MED1: variants seen among roughly 807,000 people sequenced by gnomAD.
MED1 encodes the protein mediator complex subunit 1.
Under a neutral mutation model 121.3 loss-of-function variants are expected in MED1, and 17 were observed. The ratio of observed to expected loss-of-function variants is 0.14; its 90% CI spans 0.10 to 0.21. The LOEUF (loss-of-function observed/expected upper bound fraction) is 0.21, where lower values mean the gene tolerates loss of function less well. MED1 is among the 10% of genes least tolerant of loss of function. The pLI is 1.00. For missense variants in MED1, 1,558 were observed against 1,919.4 expected (o/e 0.81, Z 3.52); for synonymous variants, 661 against 694.4 (o/e 0.95, Z 0.76).
At position 39,405,576 on chromosome 17, in the gene MED1, G is replaced by A; in HGVS notation, c.*1899C>T. The A allele has an allele frequency of 1.6e-6, 2 of 1,277,840 alleles. No homozygotes were observed. The highest frequency in any genetic ancestry group is 2.0e-6 in the Non-Finnish European group (2 of 1,008,048). The allele number at this position is 1,277,840 out of a possible 1,614,324, so 79.2% of individuals were successfully genotyped here. A position where few individuals can be genotyped will look rare whatever the true frequency, so the allele number is the denominator to read the frequency against. ...GGCTGCTACTGTATCAACATCACAA[G>A]ATAAAGCACTCTGGTATCACCTGCC... On this transcript the variant is annotated 3_prime_UTR_variant, in exon 17 of 17. Coordinates refer to ENST00000300651, the MANE Select transcript of MED1 (RefSeq NM_004774.4).
Position 39,409,060 on chromosome 17 carries a change from C to A in MED1, c.3161G>T (p.Gly1054Val). ...TTTGGGAATGGGTGGTGTGGCAACA[C>A]CTGGGGGAGTCTGAGATCTTCCTGC... The part of the protein sequence containing the change: ...GSAGRSQTPP[G>V]VATPPIPKIT... The change falls in exon 17 of 17, where the codon GGT becomes GTT. Residue 1054 changes from glycine to valine, a missense_variant. Physicochemically the swap from Gly to Val is moderately radical, Grantham distance 109. This residue lies in a region of MED1 where 793 missense variants were observed against 898.2 expected (regional missense o/e 0.88). Transcript: ENST00000300651. The A allele has an allele frequency of 6.2e-7, 1 of 1,614,104 alleles. No homozygotes were observed. The highest frequency in any genetic ancestry group is 8.5e-7 in the Non-Finnish European group (1 of 1,180,020).
chr17:39,448,190 G>A (rs191260388), intron 1 of MED1, among the ~76,000 whole-genome samples: 124 of 147,732 alleles, frequency 8.4e-4, no homozygotes, highest in African/African-American at 2.9e-3. Flanking sequence ...AGGCTGGAGT[G>A]TCAAACCCTG....
In MED1 at chr17:39,406,617, G is replaced by A. The variant is rs1256015780; in HGVS notation, c.*858C>T. Reference sequence around the variant, plus strand: ...TACAAGTCAATACCTCCACAGAGAGGTAACTCCTAATATTCCTATGATCTC... The same window carrying A: ...TACAAGTCAATACCTCCACAGAGAGATAACTCCTAATATTCCTATGATCTC... On this transcript the variant is annotated 3_prime_UTR_variant, in exon 17 of 17. Coordinates refer to ENST00000300651, the MANE Select transcript of MED1 (RefSeq NM_004774.4). The A allele has an allele frequency of 6.3e-5, 62 of 983,946 alleles. 2 individuals are homozygous for A. In the Admixed American group the frequency reaches 3.8e-3, roughly 60 times the overall value. The allele number at this position is 983,946 out of a possible 1,614,324, so 61.0% of individuals were successfully genotyped here.
chr17:39,419,917 G>A lies in MED1; in HGVS notation c.1097C>T (p.Ala366Val). The change falls in exon 14 of 17, where the codon GCT (alanine) becomes GTT (valine). Residue 366 changes from alanine to valine, a missense_variant and splice_region_variant. Coordinates refer to ENST00000300651, the MANE Select transcript of MED1 (RefSeq NM_004774.4). ...ATAGCAGTGCTGCTGACCAGGAAGA[G>A]CCTGGGCAAAAAGAACAGTTAACGA... ...PLNHNMRFYA[A>V]LPGQQHCYFL... The A allele has an allele frequency of 1.2e-6, 2 of 1,613,570 alleles. No homozygotes were observed. The highest frequency in any genetic ancestry group is 1.7e-6 in the Non-Finnish European group (2 of 1,179,616).
chr17:39,419,465 T>A (rs1000434360), intron 14 of MED1, among the ~76,000 whole-genome samples: 1 of 151,346 alleles, frequency 6.6e-6, no homozygotes, highest in Non-Finnish European at 1.5e-5. Context: ...TGGAGTGCAA[T>A]GGCATGATCT....
intron 3 of MED1, among the ~76,000 whole-genome samples, chr17:39,442,905 CAA>C (rs751236293): frequency 6.3e-4 from 11 of 17,350 alleles, no homozygotes; most frequent in African/African-American, 1.6e-3. Flanking sequence ...AACTCCATCT[CAA>C]AAAAAAAAAA....
intron 2 of MED1, among the ~76,000 whole-genome samples, chr17:39,445,130 T>C (rs1040198757): frequency 1.2e-4 from 18 of 152,124 alleles, no homozygotes; most frequent in African/African-American, 4.3e-4. Context: ...CTCTGGTCAA[T>C]GAATACCAGT....
In MED1 at chr17:39,406,283, G is replaced by A. The variant is rs1307787807; in HGVS notation, c.*1192C>T. ...ATTGTTTTAAGTGAACTATGGCTGC[G>A]GATTTTTTACTGTTTTATCTCAGGG... On this transcript the variant is annotated 3_prime_UTR_variant, in exon 17 of 17. Coordinates refer to ENST00000300651, the MANE Select transcript of MED1 (RefSeq NM_004774.4). 2.5e-5 allele frequency: 25 copies of A among 985,314 alleles called. No individual in the cohort carries two copies. The highest frequency in any genetic ancestry group is 1.4e-4 in the South Asian group (3 of 21,286). 61.0% of individuals were successfully genotyped at this position (985,314 alleles called of 1,614,324 possible). A position where few individuals can be genotyped will look rare whatever the true frequency, so the allele number is the denominator to read the frequency against.
intron 7 of MED1, among the ~76,000 whole-genome samples, chr17:39,433,627 C>T (rs2048590712): frequency 6.6e-6 from 1 of 151,726 alleles, no homozygotes; most frequent in Non-Finnish European, 1.5e-5. Flanking sequence ...AATCACTGCT[C>T]ACTGCACCCT....
chr17:39,408,859 CCTT>C lies in MED1; in HGVS notation c.3359_3361del (p.Glu1120del). The C allele has an allele frequency of 6.2e-7, 1 of 1,614,062 alleles. No homozygotes were observed. Among genetic ancestry groups the C allele is most frequent in the Non-Finnish European group, 8.5e-7 (1 of 1,180,022 alleles). On this transcript the variant is annotated inframe_deletion, in exon 17 of 17. Transcript: ENST00000300651. The surrounding 1 kb of genome is among the most constrained non-coding windows in gnomAD (Gnocchi z 4.7). Reference sequence around the variant, plus strand: ...GCTACTTAACTTGGAACTTGATGAACCTTCTGATTTACTGCTTTTCATCTTCCC... The same window carrying C: ...GCTACTTAACTTGGAACTTGATGAACCTGATTTACTGCTTTTCATCTTCCC...
rs754338233 is a variant in MED1 at position 39,447,903 on chromosome 17, C to T, written c.27G>A (p.Glu9=). 1.9e-6 allele frequency: 3 copies of T among 1,604,406 alleles called. No individual in the cohort carries two copies. In the South Asian group the frequency reaches 3.3e-5, roughly 18 times the overall value. The change falls in exon 2 of 17, where the codon GAG becomes GAA. Residue 9 remains glutamate, a splice_region_variant and synonymous_variant. Transcript: ENST00000300651. MKAQGETE[E]SEKLSKMSSL... is the part of the protein sequence containing the mutation. ...AACTCATCTTACTCAGCTTTTCTGA[C>T]TCTATGATTTAAATCAGAAAACGTT... is the stretch of plus-strand genomic sequence containing the variant.
In MED1 at chr17:39,407,357, C is replaced by G; in HGVS notation, c.*118G>C. 2 of 1,432,718 alleles carry G rather than the reference C, an allele frequency of 1.4e-6. No homozygotes were observed. The highest frequency in any genetic ancestry group is 1.8e-6 in the Non-Finnish European group (2 of 1,096,250). 88.8% of individuals were successfully genotyped at this position (1,432,718 alleles called of 1,614,324 possible). A position where few individuals can be genotyped will look rare whatever the true frequency, so the allele number is the denominator to read the frequency against. The stretch of plus-strand genomic sequence containing the variant: ...CACCCAGCTTGATGTCAAAGCCATG[C>G]CATTTAGGATTCTTAACCAAATCAG... On this transcript the variant is annotated 3_prime_UTR_variant, in exon 17 of 17. Transcript: ENST00000300651.
In MED1 at chr17:39,437,152, G is replaced by A. The variant is rs150946059; in HGVS notation, c.428+2013C>T. Among the ~76,000 whole-genome samples the A allele has an allele frequency of 6.8e-4, 103 of 152,172 alleles. 3 individuals carry two copies. In the East Asian group the frequency reaches 0.012, roughly 18 times the overall value. On this transcript the variant is annotated intron_variant, in intron 6 of 16. Coordinates refer to ENST00000300651, the MANE Select transcript of MED1 (RefSeq NM_004774.4). The stretch of plus-strand genomic sequence containing the variant: ...TCTCCGTGTTGGTCAGGCTGGTCTC[G>A]AACTCCTGACTTCAGGTGATCCGCC...
intron 14 of MED1, among the ~76,000 whole-genome samples, chr17:39,417,068 C>T (rs1474748321): frequency 2.6e-5 from 4 of 151,872 alleles, no homozygotes; most frequent in Admixed American, 1.3e-4. Flanking sequence ...TGGTGGCTCA[C>T]GCATGTAATC....
chr17:39,405,472 T>C lies in MED1; in HGVS notation c.*2003A>G, dbSNP rs1045793361. Reference sequence around the variant, plus strand: ...AAAACCACATAAATTTTTTTTTTTTTCCTGCAGAAACCAACGGGATAGGAT... The same window carrying C: ...AAAACCACATAAATTTTTTTTTTTTCCCTGCAGAAACCAACGGGATAGGAT... On this transcript the variant is annotated 3_prime_UTR_variant, in exon 17 of 17. Transcript: ENST00000300651. The C allele has an allele frequency of 8.6e-6, 12 of 1,399,894 alleles. No homozygotes were observed. Among genetic ancestry groups the C allele is most frequent in the East Asian group, 2.6e-5 (1 of 38,644 alleles). The allele number at this position is 1,399,894 out of a possible 1,614,324, so 86.7% of individuals were successfully genotyped here. A position where few individuals can be genotyped will look rare whatever the true frequency, so the allele number is the denominator to read the frequency against.
chr17:39,418,248 T>G (rs896466557), intron 14 of MED1, among the ~76,000 whole-genome samples: 4 of 151,484 alleles, frequency 2.6e-5, no homozygotes, highest in African/African-American at 9.7e-5. Context: ...AACCTAAAAT[T>G]TAACCTAAAA....
intron 16 of MED1, among the ~76,000 whole-genome samples, chr17:39,413,219 C>G (rs2048373307): frequency 6.6e-6 from 1 of 152,198 alleles, no homozygotes; most frequent in South Asian, 2.1e-4. Flanking sequence ...GGATTATAGG[C>G]ACCTGCCACC....
intron 6 of MED1, 85 bp downstream of exon 6, chr17:39,439,080 A>T: frequency 8.2e-7 from 1 of 1,219,182 alleles, no homozygotes; most frequent in Non-Finnish European, 1.2e-6. Context: ...TCCTGAGGAG[A>T]ATAACTTCTG....
chr17:39,419,395 G>A (rs2144730951), intron 14 of MED1, among the ~76,000 whole-genome samples: 1 of 151,650 alleles, frequency 6.6e-6, no homozygotes, highest in South Asian at 2.1e-4. Context: ...AGTGTTAAAA[G>A]CTCCACATGT....
Sources: gnomAD v4.1 joint callset for allele counts (sites outside exome capture counted in the v4.1 genomes callset) on GRCh38, gnomAD v4.1.1 for gene constraint, gnomAD v4.1.1 regional missense constraint, Gnocchi (gnomAD v3.1) non-coding constraint, MANE v1.5 for transcripts, NCBI Gene and HGNC (gene_info 2026-07-23, HGNC 2026-07-21) for gene names.